The following INPP4B variants were observed in gnomAD, a reference collection of about 807,000 sequenced individuals.
INPP4B encodes inositol polyphosphate-4-phosphatase type II B.
INPP4B carries 55 observed loss-of-function variants against 122.5 expected under a neutral mutation model. The observed-to-expected ratio is 0.45, with a 90% CI of 0.36 to 0.56. The LOEUF is 0.56. INPP4B is among the 20% of genes least tolerant of loss of function. The pLI is 0.00. For synonymous variants in INPP4B, 403 were observed against 388.7 expected (o/e 1.04, Z -0.43); for missense variants, 1,000 against 1,097.7 (o/e 0.91, Z 1.26).
chr4:142,047,342 G>A (rs142964181), intron 25 of INPP4B, among the ~76,000 whole-genome samples: 5 of 151,972 alleles, frequency 3.3e-5, no homozygotes, highest in East Asian at 1.9e-4. Context: ...ATTTTATATC[G>A]ACTATTCTGT....
At chr4:142,293,291 C>T (rs1757225329) in intron 9 of INPP4B, among the ~76,000 whole-genome samples, 1 of 152,104 alleles carries the variant, frequency 6.6e-6, no homozygotes, top group Non-Finnish European at 1.5e-5. Context: ...CCACCCACCT[C>T]AGCTTCCCAA....
At chr4:142,824,984 T>G (rs1259207393) in intron 1 of INPP4B, among the ~76,000 whole-genome samples, 1 of 152,078 alleles carries the variant, frequency 6.6e-6, no homozygotes, top group Non-Finnish European at 1.5e-5. Context: ...CTAGGAAATA[T>G]ACTGGAGGAG....
intron 3 of INPP4B, among the ~76,000 whole-genome samples, chr4:142,460,857 A>G (rs1310978732): frequency 4.2e-5 from 6 of 141,584 alleles, no homozygotes; most frequent in Non-Finnish European, 9.5e-5. Flanking sequence ...TTAGTGCTGC[A>G]AAGACAAAAT....
intron 7 of INPP4B, chr4:142,384,175 C>G (rs922379658): frequency 1.4e-5 from 10 of 700,472 alleles, no homozygotes; most frequent in African/African-American, 1.2e-4. Flanking sequence ...TAAAAATGTT[C>G]AAGAATTCCA....
intron 2 of INPP4B, among the ~76,000 whole-genome samples, chr4:142,617,932 G>A (rs1456082930): frequency 1.3e-5 from 2 of 152,038 alleles, no homozygotes; most frequent in Admixed American, 6.6e-5. Context: ...TTGTTGAAAT[G>A]AGCTAGTCCA....
intron 2 of INPP4B, among the ~76,000 whole-genome samples, chr4:142,645,699 C>G (rs1050985250): frequency 6.6e-6 from 1 of 152,114 alleles, no homozygotes; most frequent in Non-Finnish European, 1.5e-5. Context: ...GCCATTGGAA[C>G]GGTTATATCA....
chr4:142,415,494 C>G (rs1024497756), intron 5 of INPP4B, among the ~76,000 whole-genome samples: 5 of 152,016 alleles, frequency 3.3e-5, no homozygotes, highest in African/African-American at 1.2e-4. Flanking sequence ...ATTAAAAAGT[C>G]AGGAAACAAC....
intron 22 of INPP4B, among the ~76,000 whole-genome samples, chr4:142,109,866 T>A (rs1345069791): frequency 6.6e-6 from 1 of 152,126 alleles, no homozygotes; most frequent in East Asian, 1.9e-4. Flanking sequence ...GTATTCCTCT[T>A]ATGTCCCATA....
chr4:142,448,902 G>GT lies in INPP4B; in HGVS notation c.-127+13760dup, dbSNP rs572438959. Among the ~76,000 whole-genome samples the GT allele has an allele frequency of 9.2e-5, 14 of 152,278 alleles. 1 individual carries two copies. The South Asian group carries it at 2.9e-3, about 32-fold the overall frequency. On this transcript the variant is annotated intron_variant, in intron 3 of 25. Coordinates refer to ENST00000262992, the MANE Select transcript of INPP4B (RefSeq NM_001101669.3). Reference sequence around the variant, plus strand: ...GTATTTTACCTGAAAAAATAAGCATGTATTTAAAGGTTAAAGGCATGCTGG... The same window carrying GT: ...GTATTTTACCTGAAAAAATAAGCATGTTATTTAAAGGTTAAAGGCATGCTGG...
chr4:142,610,128 T>C (rs1476726926), intron 2 of INPP4B, among the ~76,000 whole-genome samples: 1 of 152,102 alleles, frequency 6.6e-6, no homozygotes, highest in Admixed American at 6.5e-5. Flanking sequence ...CAGGTGGAGA[T>C]AATTGAATCA....
At chr4:142,136,249 C>A (rs1472910803) in intron 18 of INPP4B, among the ~76,000 whole-genome samples, 1 of 152,062 alleles carries the variant, frequency 6.6e-6, no homozygotes, top group African/African-American at 2.4e-5. Context: ...ATTGGGCTGG[C>A]GTGAAGATGG....
Position 142,734,028 on chromosome 4 carries a change from T to C in INPP4B, c.-253-8127A>G, listed in dbSNP as rs571419312. On this transcript the variant is annotated intron_variant, in intron 1 of 25. Transcript: ENST00000262992. The stretch of plus-strand genomic sequence containing the variant: ...GAAAACATTCTGTTATGGGCTCAAT[T>C]GCATCCCCTCACAATTCATATGGCA... 1.2e-4 allele frequency among the ~76,000 whole-genome samples: 18 copies of C among 152,318 alleles called. No homozygotes were observed. The South Asian group carries it at 3.7e-3, about 32-fold the overall frequency.
chr4:142,711,037 A>G (rs775075427), intron 2 of INPP4B, among the ~76,000 whole-genome samples: 31 of 152,150 alleles, frequency 2.0e-4, no homozygotes, highest in Non-Finnish European at 3.8e-4. Flanking sequence ...TCTCTGCAAC[A>G]TGTCCCTTCC....
intron 2 of INPP4B, among the ~76,000 whole-genome samples, chr4:142,702,075 CT>C (rs1201410090): frequency 6.6e-6 from 1 of 152,152 alleles, no homozygotes; most frequent in African/African-American, 2.4e-5. Context: ...CCTGAGCAAT[CT>C]GTTAGCAGTC....
chr4:142,132,981 A>ACATC (rs1023261527), intron 18 of INPP4B, among the ~76,000 whole-genome samples: 1 of 152,128 alleles, frequency 6.6e-6, no homozygotes, highest in Non-Finnish European at 1.5e-5. Context: ...GTCATCAAAG[A>ACATC]CATCCGTACT....
At chr4:142,657,227 G>T (rs34082059) in intron 2 of INPP4B, among the ~76,000 whole-genome samples, 15,972 of 152,152 alleles carry the variant, frequency 0.1, 860 homozygotes, top group South Asian at 0.15. Context: ...AAAAGCTGTG[G>T]TATCCTTCAG....
chr4:142,112,041 G>C (rs1224788029), intron 22 of INPP4B, among the ~76,000 whole-genome samples: 1 of 146,316 alleles, frequency 6.8e-6, no homozygotes, highest in African/African-American at 2.6e-5. Flanking sequence ...ACCACGACCA[G>C]CAAAAAAAAA....
intron 1 of INPP4B, among the ~76,000 whole-genome samples, chr4:142,809,320 A>C (rs1779223309): frequency 6.6e-6 from 1 of 152,152 alleles, no homozygotes; most frequent in Non-Finnish European, 1.5e-5. Flanking sequence ...AAGAGGACTA[A>C]ATAGCAGTGC....
chr4:142,278,679 C>T (rs547225580), intron 9 of INPP4B, among the ~76,000 whole-genome samples: 1 of 151,722 alleles, frequency 6.6e-6, no homozygotes, highest in Non-Finnish European at 1.5e-5. Context: ...TAAATAAACC[C>T]AAGCTTACTG....
Sources: gnomAD v4.1 joint callset for allele counts (sites outside exome capture counted in the v4.1 genomes callset) on GRCh38, gnomAD v4.1.1 for gene constraint, MANE v1.5 for transcripts, NCBI Gene and HGNC (gene_info 2026-07-23, HGNC 2026-07-21) for gene names.